SCRN3: variants seen among roughly 807,000 people sequenced by gnomAD.
SCRN3 encodes the protein secernin 3, also known as secernin-3.
Under a neutral mutation model 43.1 loss-of-function variants are expected in SCRN3, and 39 were observed. The ratio of observed to expected loss-of-function variants is 0.91; its 90% CI spans 0.70 to 1.18. The LOEUF (loss-of-function observed/expected upper bound fraction) is 1.18, where lower values mean the gene tolerates loss of function less well. Among genes scored for constraint, SCRN3 ranks in the 50% most tolerant of loss-of-function variants. The pLI is 0.00. For missense variants in SCRN3, 484 were observed against 498.0 expected (o/e 0.97, Z 0.27); for synonymous variants, 147 against 163.1 (o/e 0.90, Z 0.75).
At chr2:174,413,172 G>A (rs6728628) in intron 5 of SCRN3, among the ~76,000 whole-genome samples, 26,621 of 151,862 alleles carry the variant, frequency 0.18, 2,584 homozygotes, top group Non-Finnish European at 0.23. Flanking sequence ...ACACCCGGCC[G>A]ATAGTGCTCT....
chr2:174,419,791 G>C (rs945880755), intron 5 of SCRN3, among the ~76,000 whole-genome samples: 7 of 152,062 alleles, frequency 4.6e-5, no homozygotes, highest in African/African-American at 1.7e-4. Context: ...ACTACTTCAG[G>C]ATAAAAAGAG....
intron 5 of SCRN3, among the ~76,000 whole-genome samples, chr2:174,412,124 CA>C (rs34285450): frequency 6.9e-5 from 10 of 144,972 alleles, no homozygotes; most frequent in Admixed American, 6.9e-5. Flanking sequence ...GTTAGCAGGG[CA>C]AAAAAAAAAC....
chr2:174,402,945 G>A (rs1269649742), intron 4 of SCRN3, among the ~76,000 whole-genome samples: 1 of 151,528 alleles, frequency 6.6e-6, no homozygotes, highest in African/African-American at 2.4e-5. Context: ...TTGTATTTTA[G>A]TTGAAAACTT....
At position 174,427,711 on chromosome 2, in the gene SCRN3, A is replaced by T; in HGVS notation, c.1093-2A>T. The T allele has an allele frequency of 6.9e-6, 11 of 1,585,598 alleles. No individual in the cohort carries two copies. Among genetic ancestry groups the T allele is most frequent in the Non-Finnish European group, 9.5e-6 (11 of 1,163,422 alleles). ...TTTATCTTTATATTTTTAATTGTTT[A>T]GGAAAAAGCCAAAATAATGTTGGAC... On this transcript the variant is annotated splice_acceptor_variant, in intron 7 of 7. Coordinates refer to ENST00000272732, the MANE Select transcript of SCRN3 (RefSeq NM_024583.5). LOFTEE classifies it high-confidence loss of function.
rs540785917 is a variant in SCRN3, at chr2:174,412,537, T to A, written c.754+8222T>A. Among the ~76,000 whole-genome samples the A allele has an allele frequency of 5.9e-5, 9 of 152,206 alleles. No homozygotes were observed. In the South Asian group the frequency reaches 1.2e-3, roughly 21 times the overall value. Reference sequence around the variant, plus strand: ...GTGGTCCAAATACCACAGGAGAAATTCTGTTGCTTTTTGCCCTCTCTCTGT... The same window carrying A: ...GTGGTCCAAATACCACAGGAGAAATACTGTTGCTTTTTGCCCTCTCTCTGT... On this transcript the variant is annotated intron_variant, in intron 5 of 7. Transcript: ENST00000272732.
chr2:174,409,725 G>T (rs975003663), intron 5 of SCRN3, among the ~76,000 whole-genome samples: 1 of 143,368 alleles, frequency 7.0e-6, no homozygotes, highest in Non-Finnish European at 1.6e-5. Context: ...GCCGTGTGAG[G>T]TGTCAGTGTG....
At chr2:174,415,533 C>G (rs1403555932) in intron 5 of SCRN3, among the ~76,000 whole-genome samples, 1 of 152,058 alleles carries the variant, frequency 6.6e-6, no homozygotes, top group African/African-American at 2.4e-5. Flanking sequence ...ATAATTCCAG[C>G]AAAGTAAGCT....
At position 174,428,971 on chromosome 2, in the gene SCRN3, A is replaced by G. The variant is rs1466536034; in HGVS notation, c.*1076A>G. The G allele has an allele frequency of 2.0e-5, 3 of 152,182 alleles. No individual in the cohort carries two copies. Among genetic ancestry groups the G allele is most frequent in the African/African-American group, 4.8e-5 (2 of 41,446 alleles). 9.4% of individuals were successfully genotyped at this position (152,182 alleles called of 1,614,324 possible). Reference sequence around the variant, plus strand: ...ATATTTACTAGTCACTATCAGCACAATTAGGTTAATAAAGAAGTGGGTCAT... The same window carrying G: ...ATATTTACTAGTCACTATCAGCACAGTTAGGTTAATAAAGAAGTGGGTCAT... On this transcript the variant is annotated 3_prime_UTR_variant, in exon 8 of 8. Transcript: ENST00000272732.
chr2:174,404,418 A>C (rs1218793127), intron 5 of SCRN3, 103 bp downstream of exon 5: 6 of 728,926 alleles, frequency 8.2e-6, no homozygotes, highest in African/African-American at 3.6e-5. Context: ...ATTAGTAAAA[A>C]TATTGTTCTA....
At chr2:174,424,896 C>T (rs1386898935) in intron 7 of SCRN3, among the ~76,000 whole-genome samples, 1 of 152,186 alleles carries the variant, frequency 6.6e-6, no homozygotes, top group Non-Finnish European at 1.5e-5. Context: ...TGAACACTTA[C>T]ATAGCACTTT....
chr2:174,413,119 G>A (rs932723625), intron 5 of SCRN3, among the ~76,000 whole-genome samples: 15 of 151,788 alleles, frequency 9.9e-5, no homozygotes, highest in Non-Finnish European at 1.2e-4. Flanking sequence ...TGATCCACCC[G>A]TCTCGGCCTC....
Position 174,423,062 on chromosome 2 carries a change from T to C in SCRN3, c.917+15T>C. On this transcript the variant is annotated intron_variant, in intron 6 of 7. Coordinates refer to ENST00000272732, the MANE Select transcript of SCRN3 (RefSeq NM_024583.5). ...GATCCTGAGAGGTGAAGCCACAAAA[T>C]ACTATAAACCAGCAAGGGGTCAGGG... 1 of 1,607,272 alleles carries C rather than the reference T, an allele frequency of 6.2e-7. No individual in the cohort carries two copies. Among genetic ancestry groups the C allele is most frequent in the Non-Finnish European group, 8.5e-7 (1 of 1,175,658 alleles).
chr2:174,416,815 A>G (rs1320708892), intron 5 of SCRN3, among the ~76,000 whole-genome samples: 1 of 152,194 alleles, frequency 6.6e-6, no homozygotes, highest in Non-Finnish European at 1.5e-5. Flanking sequence ...CCCTGTATAT[A>G]TGTTTCTTTT....
In SCRN3 at chr2:174,404,204, G is replaced by A. The variant is rs1685601940; in HGVS notation, c.643G>A (p.Gly215Ser). 1.2e-6 allele frequency: 2 copies of A among 1,613,810 alleles called. No homozygotes were observed. Among genetic ancestry groups the A allele is most frequent in the African/African-American group, 1.3e-5 (1 of 75,016 alleles). Residue 215 changes from glycine to serine, a missense_variant, in exon 5 of 8, where the codon GGT becomes AGT. Physicochemically the swap from Gly to Ser is moderately conservative, Grantham distance 56. Coordinates refer to ENST00000272732, the MANE Select transcript of SCRN3 (RefSeq NM_024583.5). ...NYAKRKGWWD[G>S]KKEFDFAAAY... ...TGCTAAGCGGAAAGGTTGGTGGGAT[G>A]GTAAAAAGGAGTTTGATTTTGCTGC... is the stretch of plus-strand genomic sequence containing the variant.
At chr2:174,421,044 A>G (rs1171987406) in intron 5 of SCRN3, among the ~76,000 whole-genome samples, 1 of 152,172 alleles carries the variant, frequency 6.6e-6, no homozygotes, top group African/African-American at 2.4e-5. Context: ...TCTGAGGGGG[A>G]AAAAAGACAG....
Position 174,427,754 on chromosome 2 carries a change from GA to G in SCRN3, c.1137del (p.Glu380AsnfsTer52). 1 of 1,607,652 alleles carries G rather than the reference GA, an allele frequency of 6.2e-7. No individual in the cohort carries two copies. Among genetic ancestry groups the G allele is most frequent in the African/African-American group, 1.3e-5 (1 of 74,800 alleles). On this transcript the variant is annotated frameshift_variant, in exon 8 of 8. Transcript: ENST00000272732. LOFTEE classifies it high-confidence loss of function. Reference sequence around the variant, plus strand: ...TGTTGGACAACATGAGGAAACTGGAGAAAGAACTATTCAGAGAGATGGAATC... The same window carrying G: ...TGTTGGACAACATGAGGAAACTGGAGAAGAACTATTCAGAGAGATGGAATC... The part of the protein sequence containing the change: ...IMLDNMRKLE[K>X]ELFREMESIL...
In SCRN3 at chr2:174,413,586, C is replaced by CTT. The variant is rs10524979; in HGVS notation, c.755-9278_755-9277dup. 4.1e-3 allele frequency among the ~76,000 whole-genome samples: 374 copies of CTT among 90,166 alleles called. 2 individuals carry two copies. The highest frequency in any genetic ancestry group is 5.2e-3 in the African/African-American group (139 of 26,950). 59.2% of individuals were successfully genotyped at this position (90,166 alleles called of 152,430 possible). On this transcript the variant is annotated intron_variant, in intron 5 of 7. Transcript: ENST00000272732. ...TCACTTTTCTTTTTTTTTGTCTTTCCTTTTTTTTTTTTTTTTTTTTTTGAG... is the reference window on the plus strand; with the variant it reads ...TCACTTTTCTTTTTTTTTGTCTTTCCTTTTTTTTTTTTTTTTTTTTTTTTGAG...
chr2:174,410,300 C>G (rs1302632060), intron 5 of SCRN3: 1 of 151,038 alleles, frequency 6.6e-6, no homozygotes, highest in East Asian at 1.9e-4. Context: ...TGAGGCAATG[C>G]CTCGCCCTGC....
intron 5 of SCRN3, among the ~76,000 whole-genome samples, chr2:174,411,820 C>T (rs940827923): frequency 2.6e-5 from 4 of 152,088 alleles, no homozygotes; most frequent in Non-Finnish European, 5.9e-5. Flanking sequence ...ACTTGGGAGG[C>T]TGAGGCAGGA....
Sources: allele counts gnomAD v4.1 joint callset (sites outside exome capture counted in the v4.1 genomes callset), GRCh38; gene constraint gnomAD v4.1.1; transcripts MANE v1.5; gene names NCBI Gene and HGNC (gene_info 2026-07-23, HGNC 2026-07-21).